The following FBXW7 variants were observed in gnomAD, a reference collection of about 807,000 sequenced individuals.
The protein encoded by FBXW7 is F-box and WD repeat domain containing 7.
A neutral mutation model predicts 86.3 loss-of-function variants in FBXW7; 11 were observed. That is an observed-to-expected ratio of 0.13 (90% CI 0.08 to 0.21). FBXW7 has a LOEUF of 0.21. Among genes scored for constraint, FBXW7 ranks in the 10% least tolerant of loss-of-function variants. The probability of loss-of-function intolerance (pLI) is 1.00; values close to 1 mark genes in which losing one functional copy is unlikely to be tolerated. For synonymous variants in FBXW7, 313 were observed against 297.9 expected (o/e 1.05, Z -0.52); for missense variants, 488 against 847.4 (o/e 0.58, Z 5.27).
At chr4:152,456,635 A>C (rs544698007) in intron 2 of FBXW7, among the ~76,000 whole-genome samples, 34 of 152,368 alleles carry the variant, frequency 2.2e-4, no homozygotes, top group African/African-American at 8.2e-4. Flanking sequence ...GATGTTCAAC[A>C]TAATTCGCAT....
At chr4:152,515,848 A>C (rs1748437943) in intron 2 of FBXW7, among the ~76,000 whole-genome samples, 1 of 151,624 alleles carries the variant, frequency 6.6e-6, no homozygotes, top group African/African-American at 2.4e-5. Context: ...TACATAAAGT[A>C]AGAATTTGTC....
chr4:152,428,073 G>T (rs115766865), intron 2 of FBXW7, among the ~76,000 whole-genome samples: 1,528 of 152,224 alleles, frequency 0.01, 21 homozygotes, highest in African/African-American at 0.033. Flanking sequence ...CCTTGGGTAT[G>T]TTTTTGGTTT....
chr4:152,329,833 C>A, intron 9 of FBXW7, 48 bp from the exon 10 acceptor site: 2 of 1,058,646 alleles, frequency 1.9e-6, no homozygotes, highest in South Asian at 3.8e-5. Flanking sequence ...AAATTATGTT[C>A]TTTAAAATAC....
chr4:152,487,676 CAG>C (rs199815061), intron 2 of FBXW7, among the ~76,000 whole-genome samples: 2 of 151,934 alleles, frequency 1.3e-5, no homozygotes, highest in Non-Finnish European at 2.9e-5. Flanking sequence ...AGTTCTGAAA[CAG>C]TGATAGCAAA....
chr4:152,486,327 T>C (rs1745336331), intron 2 of FBXW7, among the ~76,000 whole-genome samples: 1 of 152,300 alleles, frequency 6.6e-6, no homozygotes, highest in South Asian at 2.1e-4. Flanking sequence ...TAATAAACCT[T>C]AGCTCATATA....
intron 2 of FBXW7, among the ~76,000 whole-genome samples, chr4:152,507,464 G>A (rs1177376492): frequency 6.6e-6 from 1 of 152,142 alleles, no homozygotes; most frequent in Non-Finnish European, 1.5e-5. Flanking sequence ...AAATCCTCCA[G>A]GATTAATCAG....
At chr4:152,515,220 A>G (rs1253723274) in intron 2 of FBXW7, among the ~76,000 whole-genome samples, 1 of 152,220 alleles carries the variant, frequency 6.6e-6, no homozygotes, top group Non-Finnish European at 1.5e-5. Flanking sequence ...TATAAAAATT[A>G]AAAATAGCCT....
At chr4:152,457,294 GTGA>G (rs1274827798) in intron 2 of FBXW7, among the ~76,000 whole-genome samples, 1 of 152,166 alleles carries the variant, frequency 6.6e-6, no homozygotes, top group Non-Finnish European at 1.5e-5. Context: ...ATACATTGTG[GTGA>G]TGGTTTCATG....
intron 2 of FBXW7, among the ~76,000 whole-genome samples, chr4:152,457,449 T>G (rs1579253600): frequency 6.6e-6 from 1 of 152,250 alleles, no homozygotes; most frequent in East Asian, 1.9e-4. Context: ...GAGACCATCC[T>G]GGCTAACACG....
chr4:152,511,038 A>ATTTT (rs774650775), intron 2 of FBXW7, among the ~76,000 whole-genome samples: 1 of 140,652 alleles, frequency 7.1e-6, no homozygotes, highest in African/African-American at 2.6e-5. Context: ...ACCACGGTTA[A>ATTTT]TTTTTTTTTT....
chr4:152,395,884 G>A (rs757972122), intron 4 of FBXW7, among the ~76,000 whole-genome samples: 1 of 151,952 alleles, frequency 6.6e-6, no homozygotes, highest in African/African-American at 2.4e-5. Context: ...ACCAACCCAC[G>A]GAAGTGCTTT....
intron 2 of FBXW7, among the ~76,000 whole-genome samples, chr4:152,531,140 T>G (rs866887492): frequency 7.2e-5 from 11 of 152,162 alleles, no homozygotes; most frequent in Admixed American, 1.3e-4. Flanking sequence ...GCAAAGTACA[T>G]GAAGTTACCA....
rs1748179236 is a variant in FBXW7, at chr4:152,513,466, T to C, written c.-120+21475A>G. Among the ~76,000 whole-genome samples the C allele has an allele frequency of 2.0e-5, 3 of 152,130 alleles. 1 individual carries two copies. Among genetic ancestry groups the C allele is most frequent in the South Asian group, 4.1e-4 (2 of 4,826 alleles). ...GGAGGATACAGCCCGAGAAAAAGAA[T>C]ACATAAATTTAAACAAAGAGGTAAA... On this transcript the variant is annotated intron_variant, in intron 2 of 13. Transcript: ENST00000281708.
chr4:152,492,531 A>AT (rs1358093727), intron 2 of FBXW7, among the ~76,000 whole-genome samples: 1 of 152,142 alleles, frequency 6.6e-6, no homozygotes, highest in Non-Finnish European at 1.5e-5. Flanking sequence ...TTCCTAGAAT[A>AT]TTTGTAGTTG....
Position 152,330,745 on chromosome 4 carries a change from A to G in FBXW7, c.1109T>C (p.Leu370Pro), listed in dbSNP as rs2126534238. 1 of 1,612,004 alleles carries G rather than the reference A, an allele frequency of 6.2e-7. No individual in the cohort carries two copies. The highest frequency in any genetic ancestry group is 8.5e-7 in the Non-Finnish European group (1 of 1,178,644). ...GAGTTCAGTTACCTTAGGAGATTTGAGTTCTCCTCGCCTCCAGTTAGTATC... is the reference window on the plus strand; with the variant it reads ...GAGTTCAGTTACCTTAGGAGATTTGGGTTCTCCTCGCCTCCAGTTAGTATC... Reference protein sequence around the residue: ...RIDTNWRRGELKSPKVLKGHD... With the variant: ...RIDTNWRRGEPKSPKVLKGHD... Residue 370 changes from leucine (L) to proline (P), a missense_variant, in exon 9 of 14, where the codon CTC becomes CCC. Physicochemically the swap from Leu to Pro is moderately conservative, Grantham distance 98. This residue lies in a region of FBXW7 where 57 missense variants were observed against 62.8 expected (regional missense o/e 0.91). Transcript: ENST00000281708.
chr4:152,332,459 G>T, intron 8 of FBXW7, 137 bp downstream of exon 8: 1 of 797,856 alleles, frequency 1.3e-6, no homozygotes, highest in Non-Finnish European at 1.7e-6. Flanking sequence ...TTAAGATTCG[G>T]CTCATCTGAA....
intron 5 of FBXW7, chr4:152,348,672 A>C: frequency 2.8e-6 from 3 of 1,080,764 alleles, no homozygotes; most frequent in Non-Finnish European, 3.6e-6. Context: ...ACAATGTAAT[A>C]CCTTTGTCCT....
intron 2 of FBXW7, among the ~76,000 whole-genome samples, 194 bp downstream of exon 2, chr4:152,534,747 G>C (rs1033176185): frequency 1.8e-4 from 28 of 152,240 alleles, no homozygotes; most frequent in African/African-American, 6.7e-4. Flanking sequence ...CTGCATACTT[G>C]CATTACTCGT....
chr4:152,395,934 A>G (rs1336987218), intron 4 of FBXW7, among the ~76,000 whole-genome samples: 1 of 152,062 alleles, frequency 6.6e-6, no homozygotes, highest in Non-Finnish European at 1.5e-5. Context: ...AGATTAAGAA[A>G]TATCATCTGA....
Sources: gnomAD v4.1 joint callset for allele counts (sites outside exome capture counted in the v4.1 genomes callset) on GRCh38, gnomAD v4.1.1 for gene constraint, gnomAD v4.1.1 regional missense constraint, MANE v1.5 for transcripts, NCBI Gene and HGNC (gene_info 2026-07-23, HGNC 2026-07-21) for gene names.